Variants in MGME1 observed in about 807,000 individuals in gnomAD.
MGME1 encodes chromosome 20 open reading frame 72.
MGME1 carries 22 observed loss-of-function variants against 33.0 expected under a neutral mutation model. The ratio of observed to expected loss-of-function variants is 0.67; its 90% confidence interval spans 0.48 to 0.95. The LOEUF is 0.95. Among genes scored for constraint, MGME1 ranks in the 40% least tolerant of loss-of-function variants. The probability of loss-of-function intolerance (pLI) is 0.00; values close to 1 mark genes in which losing one functional copy is unlikely to be tolerated. For synonymous variants in MGME1, 133 were observed against 144.0 expected (o/e 0.92, Z 0.55); for missense variants, 383 against 397.8 (o/e 0.96, Z 0.32).
intron 4 of MGME1, among the ~76,000 whole-genome samples, chr20:17,988,649 T>C (rs1359745953): frequency 9.9e-6 from 1 of 101,112 alleles, no homozygotes; most frequent in Non-Finnish European, 1.9e-5. Context: ...CTCGAATCTG[T>C]CTCAAAAAAA....
At chr20:17,968,647 G>A (rs1240122026), upstream of MGME1, 1 of 611,544 alleles carries the variant, frequency 1.6e-6, no homozygotes, top group South Asian at 1.6e-5. Context: ...CAGCCTCCCA[G>A]TCCCCGCTGC....
chr20:17,976,984 G>A (rs778678387), intron 3 of MGME1, among the ~76,000 whole-genome samples: 5 of 151,934 alleles, frequency 3.3e-5, no homozygotes, highest in Non-Finnish European at 5.9e-5. Context: ...TATCGTAGCT[G>A]TCTTACTGTT....
intron 3 of MGME1, among the ~76,000 whole-genome samples, chr20:17,987,768 C>T (rs993398869): frequency 2.6e-5 from 4 of 152,120 alleles, no homozygotes; most frequent in Admixed American, 1.3e-4. Flanking sequence ...CAGATTGAAC[C>T]GATAGAGTCC....
In MGME1 at chr20:17,990,216, C is replaced by A; in HGVS notation, c.*107C>A. 1 of 919,878 alleles carries A rather than the reference C, an allele frequency of 1.1e-6. No individual in the cohort carries two copies. The highest frequency in any genetic ancestry group is 1.8e-6 in the Non-Finnish European group (1 of 569,582). 57.0% of individuals were successfully genotyped at this position (919,878 alleles called of 1,614,324 possible). A position where few individuals can be genotyped will look rare whatever the true frequency, so the allele number is the denominator to read the frequency against. On this transcript the variant is annotated 3_prime_UTR_variant, in exon 5 of 5. Transcript: ENST00000377710. The stretch of plus-strand genomic sequence containing the variant: ...GAGGTGCCACTGGATCTGAGTGCTA[C>A]ACGAACACAAGTAGAAGTATTAATT...
At chr20:17,975,580 G>T in intron 2 of MGME1, 104 bp from the exon 3 acceptor site, 79 of 766,700 alleles carry the variant, frequency 1.0e-4, no homozygotes, top group Middle Eastern at 2.5e-4. Context: ...AAAAAAAAAT[G>T]TCATTTTTAA....
chr20:17,991,016 T>C lies in MGME1; in HGVS notation c.*907T>C, dbSNP rs1011675614. On this transcript the variant is annotated 3_prime_UTR_variant, in exon 5 of 5. Transcript: ENST00000377710. Reference sequence around the variant, plus strand: ...GGTTTTCTGTCTTATGGAGTGAGTCTTAGCATTTAAGTTATACAGTTGCTG... The same window carrying C: ...GGTTTTCTGTCTTATGGAGTGAGTCCTAGCATTTAAGTTATACAGTTGCTG... 2.0e-5 allele frequency: 3 copies of C among 152,254 alleles called. No individual in the cohort carries two copies. Among genetic ancestry groups the C allele is most frequent in the Non-Finnish European group, 4.4e-5 (3 of 68,040 alleles). The allele number at this position is 152,254 out of a possible 1,614,324, so 9.4% of individuals were successfully genotyped here.
At position 17,970,315 on chromosome 20, in the gene MGME1, G is replaced by A. The variant is rs587776943; in HGVS notation, c.456G>A (p.Trp152Ter). The A allele has an allele frequency of 1.9e-6, 3 of 1,614,168 alleles. No homozygotes were observed. Among genetic ancestry groups the A allele is most frequent in the Non-Finnish European group, 2.5e-6 (3 of 1,180,038 alleles). The change falls in exon 2 of 5, where the codon TGG becomes TGA. Residue 152 changes from tryptophan (W) to a stop codon, truncating the protein, a stop_gained. Coordinates refer to ENST00000377710, the MANE Select transcript of MGME1 (RefSeq NM_052865.4). LOFTEE classifies it high-confidence loss of function. ...TKQQVFLLERWKQRMILELGE... is the reference protein window; with the variant it reads ...TKQQVFLLER Reference sequence around the variant, plus strand: ...AACAGGTTTTCTTGTTGGAGAGGTGGAAACAGCGGATGATTCTGGAACTGG... The same window carrying A: ...AACAGGTTTTCTTGTTGGAGAGGTGAAAACAGCGGATGATTCTGGAACTGG...
chr20:17,978,407 G>A (rs2035922420), intron 3 of MGME1, among the ~76,000 whole-genome samples: 1 of 152,154 alleles, frequency 6.6e-6, no homozygotes, highest in South Asian at 2.1e-4. Context: ...GTTTCGCCAT[G>A]TTGGCCAGGC....
At chr20:17,973,132 G>A (rs927174547) in intron 2 of MGME1, among the ~76,000 whole-genome samples, 1 of 152,024 alleles carries the variant, frequency 6.6e-6, no homozygotes, top group South Asian at 2.1e-4. Flanking sequence ...ATCACTTGAG[G>A]TCAGGAGTTC....
intron 3 of MGME1, among the ~76,000 whole-genome samples, chr20:17,978,497 G>A (rs890010520): frequency 1.3e-5 from 2 of 151,986 alleles, no homozygotes; most frequent in South Asian, 2.1e-4. Flanking sequence ...GAGCCACCGC[G>A]CCTGGCCTAG....
At chr20:17,983,267 T>TTGTGTGTGTGTGTGTGTGTGTGTG (rs1555791107) in intron 3 of MGME1, among the ~76,000 whole-genome samples, 79 of 142,682 alleles carry the variant, frequency 5.5e-4, no homozygotes, top group South Asian at 1.9e-3. Context: ...TAGTGTTCTA[T>TTGTGTGTGTGTGTGTGTGTGTGTG]TGTGTGTGTG....
intron 3 of MGME1, among the ~76,000 whole-genome samples, chr20:17,976,480 C>A (rs2035870729): frequency 6.6e-6 from 1 of 152,094 alleles, no homozygotes; most frequent in Non-Finnish European, 1.5e-5. Context: ...TCCCCTCCCC[C>A]AAAGCAAGGT....
At chr20:17,977,564 A>T (rs2035900351) in intron 3 of MGME1, among the ~76,000 whole-genome samples, 1 of 152,140 alleles carries the variant, frequency 6.6e-6, no homozygotes. Context: ...TATAAGATAA[A>T]AAAAGAGATC....
At chr20:17,980,171 G>A (rs1277644605) in intron 3 of MGME1, among the ~76,000 whole-genome samples, 4 of 151,886 alleles carry the variant, frequency 2.6e-5, no homozygotes, top group Non-Finnish European at 4.4e-5. Context: ...GATTACAGGC[G>A]CCTGCTACCA....
At chr20:17,971,092 C>T (rs1568605797) in intron 2 of MGME1, among the ~76,000 whole-genome samples, 1 of 152,222 alleles carries the variant, frequency 6.6e-6, no homozygotes, top group Admixed American at 6.5e-5. Context: ...AGTACATGTA[C>T]TCTTAGTAGT....
intron 3 of MGME1, among the ~76,000 whole-genome samples, chr20:17,983,736 ATGTCTTCTT>A (rs1214261935): frequency 6.6e-6 from 1 of 152,176 alleles, no homozygotes; most frequent in African/African-American, 2.4e-5. Flanking sequence ...TTGGTCATTC[ATGTCTTCTT>A]TTAAGAAATA....
chr20:17,983,946 T>G (rs2036094554), intron 3 of MGME1, among the ~76,000 whole-genome samples: 1 of 152,176 alleles, frequency 6.6e-6, no homozygotes, highest in African/African-American at 2.4e-5. Context: ...TATTTGGATG[T>G]ATATGTCTGT....
chr20:17,969,340 AACCCGATTT>A (rs971133384), intron 1 of MGME1, among the ~76,000 whole-genome samples, 199 bp downstream of exon 1: 22 of 152,218 alleles, frequency 1.4e-4, no homozygotes, highest in Non-Finnish European at 3.1e-4. Context: ...GGGACCCTCC[AACCCGATTT>A]CCACGTCTGT....
At chr20:17,969,728 A>G (rs1357612665) in intron 1 of MGME1, 73 bp from the exon 2 acceptor site, 1 of 976,016 alleles carries the variant, frequency 1.0e-6, no homozygotes, top group African/African-American at 1.6e-5. Flanking sequence ...ACATGTCGAA[A>G]AAGTTCACAA....
Sources: gnomAD v4.1 joint callset for allele counts (sites outside exome capture counted in the v4.1 genomes callset) on GRCh38, gnomAD v4.1.1 for gene constraint, MANE v1.5 for transcripts, NCBI Gene and HGNC (gene_info 2026-07-23, HGNC 2026-07-21) for gene names.